The following PAPPA2 variants were observed in gnomAD, a reference collection of about 807,000 sequenced individuals.
The protein encoded by PAPPA2 is pappalysin 2.
In PAPPA2, 86 loss-of-function variants were observed where a neutral mutation model predicts 176.4. The observed-to-expected ratio is 0.49, with a 90% CI of 0.41 to 0.58. The LOEUF is 0.58. Ranked by LOEUF, PAPPA2 falls within the 20% of genes least tolerant of loss-of-function variation. The pLI, the probability that PAPPA2 is intolerant of heterozygous loss-of-function variation, is 0.00. For synonymous variants in PAPPA2, 809 were observed against 852.2 expected, an observed-to-expected ratio of 0.95 and a Z score of 0.88; for missense variants, 2,073 against 2,256.9, an observed-to-expected ratio of 0.92 and a Z score of 1.65.
At chr1:176,785,081 C>T (rs993872182) in intron 17 of PAPPA2, among the ~76,000 whole-genome samples, 23 of 152,118 alleles carry the variant, frequency 1.5e-4, no homozygotes, top group African/African-American at 5.3e-4. Context: ...ACAAACAGCG[C>T]TAGGTAACAA....
intron 3 of PAPPA2, among the ~76,000 whole-genome samples, chr1:176,657,204 A>G (rs1190560193): frequency 6.6e-6 from 1 of 151,950 alleles, no homozygotes; most frequent in East Asian, 1.9e-4. Flanking sequence ...CAGAATTGAC[A>G]TCTATACCAA....
At chr1:176,752,700 G>T (rs370930794) in intron 14 of PAPPA2, among the ~76,000 whole-genome samples, 1 of 152,064 alleles carries the variant, frequency 6.6e-6, no homozygotes, top group African/African-American at 2.4e-5. Flanking sequence ...AATAATCCTG[G>T]TAGAAAAATC....
intron 4 of PAPPA2, among the ~76,000 whole-genome samples, chr1:176,689,123 C>T (rs1349517397): frequency 6.6e-6 from 1 of 152,184 alleles, no homozygotes; most frequent in African/African-American, 2.4e-5. Context: ...TTGACATTCT[C>T]TGTCTTGTCT....
intron 3 of PAPPA2, among the ~76,000 whole-genome samples, chr1:176,596,517 C>T (rs1653995056): frequency 6.6e-6 from 1 of 152,160 alleles, no homozygotes; most frequent in African/African-American, 2.4e-5. Context: ...TTTCCTAATC[C>T]CTCAAATTAA....
intron 3 of PAPPA2, among the ~76,000 whole-genome samples, chr1:176,658,121 G>C (rs529537874): frequency 5.9e-5 from 9 of 152,122 alleles, no homozygotes; most frequent in Non-Finnish European, 1.2e-4. Flanking sequence ...AGGTACATAT[G>C]TATATACATG....
chr1:176,801,104 C>T (rs573968444), intron 21 of PAPPA2, among the ~76,000 whole-genome samples: 14 of 135,506 alleles, frequency 1.0e-4, no homozygotes, highest in Admixed American at 4.9e-4. Flanking sequence ...CACACACACA[C>T]GCACACACAC....
chr1:176,663,416 T>C (rs1210883374), intron 3 of PAPPA2, among the ~76,000 whole-genome samples: 1 of 152,154 alleles, frequency 6.6e-6, no homozygotes. Flanking sequence ...TCCTACATTA[T>C]GACTTTTGAA....
intron 3 of PAPPA2, among the ~76,000 whole-genome samples, chr1:176,624,412 A>ATTC (rs1655891674): frequency 6.6e-6 from 1 of 152,354 alleles, no homozygotes; most frequent in Admixed American, 6.5e-5. Context: ...AAATAGCAGA[A>ATTC]TGCATTACAT....
At chr1:176,571,213 C>T (rs542772438) in intron 2 of PAPPA2, among the ~76,000 whole-genome samples, 171 of 152,314 alleles carry the variant, frequency 1.1e-3, no homozygotes, top group African/African-American at 3.9e-3. Flanking sequence ...CCACCCATTA[C>T]CTGCTCCTTA....
chr1:176,765,814 G>A lies in PAPPA2; in HGVS notation c.4300G>A (p.Gly1434Arg). The change falls in exon 15 of 23, where the codon GGG (glycine) becomes AGG (arginine). Residue 1434 changes from glycine to arginine, a missense_variant. This residue lies in a region of PAPPA2 where 846 missense variants were observed against 857.9 expected (regional missense o/e 0.99). Coordinates refer to ENST00000367662, the MANE Select transcript of PAPPA2 (RefSeq NM_020318.3). ...GGGATTTGCCCTTCAGGCCAGCAGTGGGCAGTACATCAGGCCCATGCAGGT... is the reference window on the plus strand; with the variant it reads ...GGGATTTGCCCTTCAGGCCAGCAGTAGGCAGTACATCAGGCCCATGCAGGT... Reference protein sequence around the residue: ...QRGFALQASSGQYIRPMQKEI... With the variant: ...QRGFALQASSRQYIRPMQKEI... The A allele has an allele frequency of 6.2e-7, 1 of 1,614,014 alleles. No individual in the cohort carries two copies. Among genetic ancestry groups the A allele is most frequent in the African/African-American group, 1.3e-5 (1 of 75,030 alleles).
At chr1:176,580,261 T>A (rs1652885565) in intron 2 of PAPPA2, among the ~76,000 whole-genome samples, 1 of 152,234 alleles carries the variant, frequency 6.6e-6, no homozygotes, top group Non-Finnish European at 1.5e-5. Context: ...ACATGAAATG[T>A]TTAACTTTCT....
At chr1:176,583,842 C>T (rs1206886783) in intron 2 of PAPPA2, among the ~76,000 whole-genome samples, 1 of 152,076 alleles carries the variant, frequency 6.6e-6, no homozygotes, top group Non-Finnish European at 1.5e-5. Flanking sequence ...ACTGCTCAAG[C>T]CCAAGAGTTT....
At chr1:176,669,101 T>C (rs897552354) in intron 3 of PAPPA2, among the ~76,000 whole-genome samples, 1 of 152,020 alleles carries the variant, frequency 6.6e-6, no homozygotes, top group East Asian at 1.9e-4. Context: ...AAGTAAGCCA[T>C]GTCAGGAGCA....
chr1:176,679,312 T>C (rs1005433870), intron 4 of PAPPA2, among the ~76,000 whole-genome samples: 1 of 152,100 alleles, frequency 6.6e-6, no homozygotes, highest in African/African-American at 2.4e-5. Flanking sequence ...TTTCTCTAGT[T>C]TGAATGACTA....
At chr1:176,541,311 T>C (rs1171460556) in intron 1 of PAPPA2, among the ~76,000 whole-genome samples, 1 of 152,196 alleles carries the variant, frequency 6.6e-6, no homozygotes, top group African/African-American at 2.4e-5. Flanking sequence ...GCGAATACAT[T>C]TGTCATCAGG....
chr1:176,769,941 C>T (rs1664149554), intron 16 of PAPPA2, among the ~76,000 whole-genome samples, 157 bp downstream of exon 16: 1 of 152,266 alleles, frequency 6.6e-6, no homozygotes, highest in Non-Finnish European at 1.5e-5. Flanking sequence ...AAAGGCAACA[C>T]CACTCTTTGT....
intron 2 of PAPPA2, among the ~76,000 whole-genome samples, chr1:176,569,146 A>G (rs1375877506): frequency 4.6e-5 from 7 of 152,186 alleles, no homozygotes; most frequent in Non-Finnish European, 7.3e-5. Context: ...ACAGATATAC[A>G]TACACACCCA....
intron 22 of PAPPA2, among the ~76,000 whole-genome samples, chr1:176,840,714 G>A (rs1667456694): frequency 6.6e-6 from 1 of 152,150 alleles, no homozygotes; most frequent in Non-Finnish European, 1.5e-5. Flanking sequence ...CCAGCCACCT[G>A]AGCACTCTCT....
rs1252494233 is a variant in PAPPA2 at position 176,680,289 on chromosome 1, T to C, written c.2137+9174T>C. Among the ~76,000 whole-genome samples the C allele has an allele frequency of 3.9e-5, 6 of 152,266 alleles. No homozygotes were observed. The South Asian group carries it at 1.2e-3, about 32-fold the overall frequency. ...TTGGTTGGAGATGATGTGGATGAGT[T>C]TGGTTTTATAAATAGCGAGTGTTCA... On this transcript the variant is annotated intron_variant, in intron 4 of 22. Transcript: ENST00000367662.
Sources: allele counts gnomAD v4.1 joint callset (sites outside exome capture counted in the v4.1 genomes callset), GRCh38; gene constraint gnomAD v4.1.1; regional missense constraint gnomAD v4.1.1; transcripts MANE v1.5; gene names NCBI Gene and HGNC (gene_info 2026-07-23, HGNC 2026-07-21).